Variants in TIE1 observed in about 807,000 individuals in gnomAD.
TIE1 encodes the protein tyrosine kinase with immunoglobulin like and EGF like domains 1.
A neutral mutation model predicts 130.5 loss-of-function variants in TIE1; 89 were observed. That is an observed-to-expected ratio of 0.68 (90% CI 0.57 to 0.81). The LOEUF is 0.81. Among genes scored for constraint, TIE1 ranks in the 40% least tolerant of loss-of-function variants. The pLI, the probability that TIE1 is intolerant of heterozygous loss-of-function variation, is 0.00. For missense variants in TIE1, 1,392 were observed against 1,559.8 expected, an observed-to-expected ratio of 0.89 and a Z score of 1.81; for synonymous variants, 568 against 629.4, an observed-to-expected ratio of 0.90 and a Z score of 1.46.
Position 43,309,031 on chromosome 1 carries a change from A to T in TIE1, c.1088A>T (p.Asn363Ile). 6.2e-7 allele frequency: 1 copy of T among 1,614,068 alleles called. No homozygotes were observed. The highest frequency in any genetic ancestry group is 8.5e-7 in the Non-Finnish European group (1 of 1,179,972). ...ILNMASELEF[N>I]LETMPRINCA... ...AACATGGCCTCAGAACTGGAGTTCA[A>T]CTTAGAGACGATGCCCCGGATCAAC... The change falls in exon 8 of 23, where the codon AAC becomes ATC. Residue 363 changes from asparagine (N) to isoleucine (I), a missense_variant. This residue lies in a region of TIE1 where 551 missense variants were observed against 565.5 expected (regional missense o/e 0.97). Transcript: ENST00000372476. The surrounding 1 kb of genome is among the most constrained non-coding windows in gnomAD (Gnocchi z 6.3).
chr1:43,313,891 G>C lies in TIE1; in HGVS notation c.2332G>C (p.Ala778Pro). 6.2e-7 allele frequency: 1 copy of C among 1,614,080 alleles called. No homozygotes were observed. Among genetic ancestry groups the C allele is most frequent in the Non-Finnish European group, 8.5e-7 (1 of 1,179,994 alleles). Reference protein sequence around the residue: ...SVSATCLTILAALLTLVCIRR... With the variant: ...SVSATCLTILPALLTLVCIRR... ...GTCTGCCACCTGCCTCACCATCCTGGCTGCCCTTTTAACCCTGGTGTGCAT... is the reference window on the plus strand; with the variant it reads ...GTCTGCCACCTGCCTCACCATCCTGCCTGCCCTTTTAACCCTGGTGTGCAT... The change falls in exon 14 of 23, where the codon GCT becomes CCT. Residue 778 changes from alanine (A) to proline (P), a missense_variant. Around this residue, in one of 6 missense-constraint regions of TIE1, gnomAD observed 286 missense variants for 354.4 expected, o/e 0.81. Transcript: ENST00000372476. The surrounding 1 kb of genome is among the most constrained non-coding windows in gnomAD (Gnocchi z 6.2).
chr1:43,305,181 G>T lies in TIE1; in HGVS notation c.373+16G>T. ...AGCCCTGGAGGTGAGTTAGGCAGGCGGGGGGATGGCGCGGGGAAAACCAGG... is the reference window on the plus strand; with the variant it reads ...AGCCCTGGAGGTGAGTTAGGCAGGCTGGGGGATGGCGCGGGGAAAACCAGG... On this transcript the variant is annotated intron_variant, in intron 2 of 22. Transcript: ENST00000372476. The T allele has an allele frequency of 6.2e-7, 1 of 1,613,914 alleles. No homozygotes were observed. The highest frequency in any genetic ancestry group is 1.3e-5 in the African/African-American group (1 of 75,038).
In TIE1 at chr1:43,306,866, C is replaced by T; in HGVS notation, c.511C>T (p.His171Tyr). Residue 171 changes from histidine to tyrosine, a missense_variant, in exon 4 of 23, where the codon CAT becomes TAT. Transcript: ENST00000372476. This position sits in a 1 kb window ranked among gnomAD's most constrained non-coding sequence, Gnocchi z 4.9. ...NGSYFYTLDW[H>Y]EAQDGRFLLQ... ...ATCCTACTTCTACACCCTGGACTGGCATGAAGCCCAGGATGGGCGGTTCCT... is the reference window on the plus strand; with the variant it reads ...ATCCTACTTCTACACCCTGGACTGGTATGAAGCCCAGGATGGGCGGTTCCT... 1 of 1,613,508 alleles carries T rather than the reference C, an allele frequency of 6.2e-7. No individual in the cohort carries two copies. The highest frequency in any genetic ancestry group is 1.1e-5 in the South Asian group (1 of 90,976).
chr1:43,301,847 C>T (rs890299040), intron 1 of TIE1, among the ~76,000 whole-genome samples: 4 of 152,012 alleles, frequency 2.6e-5, no homozygotes, highest in African/African-American at 7.3e-5. Context: ...CCAGCCTGGG[C>T]GACAGAGCAA....
In TIE1 at chr1:43,304,923, T is replaced by G; in HGVS notation, c.131T>G (p.Val44Gly). ...CCCCAGCGCTTCTTCCTGACTTGCGTGTCTGGGGAGGCCGGGGCGGGGAGG... is the reference window on the plus strand; with the variant it reads ...CCCCAGCGCTTCTTCCTGACTTGCGGGTCTGGGGAGGCCGGGGCGGGGAGG... ...TDPQRFFLTC[V>G]SGEAGAGRGS... The change falls in exon 2 of 23, where the codon GTG (valine) becomes GGG (glycine). Residue 44 changes from valine (V) to glycine (G), a missense_variant. Around this residue, in one of 6 missense-constraint regions of TIE1, gnomAD observed 415 missense variants for 424.8 expected, o/e 0.98. Transcript: ENST00000372476. The G allele has an allele frequency of 6.9e-7, 1 of 1,441,508 alleles. No homozygotes were observed. The highest frequency in any genetic ancestry group is 9.1e-7 in the Non-Finnish European group (1 of 1,102,376). 89.3% of individuals were successfully genotyped at this position (1,441,508 alleles called of 1,614,324 possible).
At chr1:43,314,680 T>C (rs1459357244) in intron 14 of TIE1, 1 of 423,680 alleles carries the variant, frequency 2.4e-6, no homozygotes, top group Non-Finnish European at 3.2e-6. Context: ...ATACAAAAAT[T>C]AGCCAGGCGT....
At chr1:43,321,162 G>A (rs1190651831) in intron 19 of TIE1, 107 bp from the exon 20 acceptor site, 1 of 1,165,860 alleles carries the variant, frequency 8.6e-7, no homozygotes, top group African/African-American at 1.5e-5. Context: ...TTACAGAGTA[G>A]ACACATACAG....
In TIE1 at chr1:43,312,346, G is replaced by A. The variant is rs936280067; in HGVS notation, c.1672G>A (p.Gly558Ser). 5.1e-6 allele frequency: 8 copies of A among 1,566,958 alleles called. No homozygotes were observed. The Admixed American group carries it at 7.0e-5, about 14-fold the overall frequency. ...QPWLEGWHVE[G>S]TDRLRVSWSL... The stretch of plus-strand genomic sequence containing the variant: ...GTGGTTGGAGGGCTGGCATGTGGAA[G>A]GCACTGACCGGCTGCGAGTGAGCTG... The change falls in exon 12 of 23, where the codon GGC (glycine) becomes AGC (serine). Residue 558 changes from glycine (G) to serine (S), a missense_variant. Around this residue, in one of 6 missense-constraint regions of TIE1, gnomAD observed 551 missense variants for 565.5 expected, o/e 0.97. Coordinates refer to ENST00000372476, the MANE Select transcript of TIE1 (RefSeq NM_005424.5). The surrounding 1 kb of genome is among the most constrained non-coding windows in gnomAD (Gnocchi z 5.6).
chr1:43,318,359 C>A lies in TIE1; in HGVS notation c.2922+287C>A, dbSNP rs553071032. Among the ~76,000 whole-genome samples, 1 of 151,980 alleles carries A rather than the reference C, an allele frequency of 6.6e-6. No individual in the cohort carries two copies. The highest frequency in any genetic ancestry group is 2.1e-4 in the South Asian group (1 of 4,800). On this transcript the variant is annotated intron_variant, in intron 17 of 22. Coordinates refer to ENST00000372476, the MANE Select transcript of TIE1 (RefSeq NM_005424.5). This position sits in a 1 kb window ranked among gnomAD's most constrained non-coding sequence, Gnocchi z 4.4. Reference sequence around the variant, plus strand: ...AGCATCTGTGTGTGAGCTGTCACCCCACAGATGGTGCCTAATGGCAATGGG... The same window carrying A: ...AGCATCTGTGTGTGAGCTGTCACCCAACAGATGGTGCCTAATGGCAATGGG...
rs1422603033 is a variant in TIE1 at position 43,319,925 on chromosome 1, C to G, written c.3107+396C>G. The G allele has an allele frequency of 3.8e-6, 1 of 263,164 alleles. No homozygotes were observed. Among genetic ancestry groups the G allele is most frequent in the East Asian group, 9.5e-5 (1 of 10,524 alleles). The allele number at this position is 263,164 out of a possible 1,614,324, so 16.3% of individuals were successfully genotyped here. ...TTACCAGAGCATGACCCCCAAGACT[C>G]CCTCTCTGTGCCCCCTCCCCTGCAG... On this transcript the variant is annotated intron_variant, in intron 19 of 22. Transcript: ENST00000372476. The surrounding 1 kb of genome is among the most constrained non-coding windows in gnomAD (Gnocchi z 4.7).
chr1:43,314,497 CCTT>C, intron 14 of TIE1: 1 of 1,005,522 alleles, frequency 9.9e-7, no homozygotes, highest in Non-Finnish European at 1.2e-6. Flanking sequence ...CTCATCCTAA[CCTT>C]CATTCTTGCA....
At position 43,322,880 on chromosome 1, in the gene TIE1, G is replaced by A. The variant is rs1646933213; in HGVS notation, c.*158G>A. 1 of 637,790 alleles carries A rather than the reference G, an allele frequency of 1.6e-6. No homozygotes were observed. Among genetic ancestry groups the A allele is most frequent in the Non-Finnish European group, 2.7e-6 (1 of 368,312 alleles). The allele number at this position is 637,790 out of a possible 1,614,324, so 39.5% of individuals were successfully genotyped here. Reference sequence around the variant, plus strand: ...GGGATCTGGGGATGGGGTGGGCTTAGGGGAACTGGGTTCCCATGCTTTGTA... The same window carrying A: ...GGGATCTGGGGATGGGGTGGGCTTAAGGGAACTGGGTTCCCATGCTTTGTA... On this transcript the variant is annotated 3_prime_UTR_variant, in exon 23 of 23. Transcript: ENST00000372476. The surrounding 1 kb of genome is among the most constrained non-coding windows in gnomAD (Gnocchi z 4.0).
intron 1 of TIE1, among the ~76,000 whole-genome samples, chr1:43,301,350 G>A (rs1016482893): frequency 7.9e-5 from 12 of 152,182 alleles, no homozygotes; most frequent in African/African-American, 9.6e-5. Context: ...GGCCGGGTGC[G>A]GTGGTTCATA....
chr1:43,305,192 G>A (rs1049719155), intron 2 of TIE1, 27 bp downstream of exon 2: 1 of 1,613,770 alleles, frequency 6.2e-7, no homozygotes, highest in African/African-American at 1.3e-5. Flanking sequence ...GGGGGATGGC[G>A]CGGGGAAAAC....
chr1:43,318,156 G>C lies in TIE1; in HGVS notation c.2922+84G>C, dbSNP rs926685778. The C allele has an allele frequency of 1.4e-6, 2 of 1,461,478 alleles. No homozygotes were observed. The highest frequency in any genetic ancestry group is 1.8e-6 in the Non-Finnish European group (2 of 1,097,864). 90.5% of individuals were successfully genotyped at this position (1,461,478 alleles called of 1,614,324 possible). A position where few individuals can be genotyped will look rare whatever the true frequency, so the allele number is the denominator to read the frequency against. On this transcript the variant is annotated intron_variant, in intron 17 of 22. Coordinates refer to ENST00000372476, the MANE Select transcript of TIE1 (RefSeq NM_005424.5). The surrounding 1 kb of genome is among the most constrained non-coding windows in gnomAD (Gnocchi z 4.4). ...TGGAAGAAGTCAGCCGGCCCTGATT[G>C]TATCTGGGGATTGAGGTTCCTGGCC...
In TIE1 at chr1:43,313,827, C is replaced by T. The variant is rs1265668074; in HGVS notation, c.2268C>T (p.Gly756=). 1 of 1,614,014 alleles carries T rather than the reference C, an allele frequency of 6.2e-7. No homozygotes were observed. The highest frequency in any genetic ancestry group is 1.3e-5 in the African/African-American group (1 of 75,034). Reference sequence around the variant, plus strand: ...AAGAGAGCCGGGCAGCTGAAGAGGGCCTGGATCAGCAGCTGATCCTGGCGG... The same window carrying T: ...AAGAGAGCCGGGCAGCTGAAGAGGGTCTGGATCAGCAGCTGATCCTGGCGG... The part of the protein sequence containing the change: ...PVQESRAAEE[G]LDQQLILAVV... The change falls in exon 14 of 23, where the codon GGC becomes GGT. Residue 756 remains glycine (G), a synonymous_variant. Coordinates refer to ENST00000372476, the MANE Select transcript of TIE1 (RefSeq NM_005424.5). The surrounding 1 kb of genome is among the most constrained non-coding windows in gnomAD (Gnocchi z 6.2).
chr1:43,308,087 G>A (rs1646749333), intron 7 of TIE1, among the ~76,000 whole-genome samples, 163 bp downstream of exon 7: 1 of 152,214 alleles, frequency 6.6e-6, no homozygotes, highest in South Asian at 2.1e-4. Context: ...CAGGGAGTCA[G>A]TCTGGTAGGG....
rs1031188616 is a variant in TIE1 at position 43,316,939 on chromosome 1, C to A, written c.2410-260C>A. 6.6e-6 allele frequency among the ~76,000 whole-genome samples: 1 copy of A among 152,202 alleles called. No homozygotes were observed. The highest frequency in any genetic ancestry group is 2.4e-5 in the African/African-American group (1 of 41,448). ...CCTTCCAGAGTCCCGTACACTAGATCCCCTGGCTGCAGCCTCTGCATTTCT... is the reference window on the plus strand; with the variant it reads ...CCTTCCAGAGTCCCGTACACTAGATACCCTGGCTGCAGCCTCTGCATTTCT... On this transcript the variant is annotated intron_variant, in intron 14 of 22. Transcript: ENST00000372476. This position sits in a 1 kb window ranked among gnomAD's most constrained non-coding sequence, Gnocchi z 4.4.
chr1:43,321,565 C>T, intron 21 of TIE1, 51 bp from the exon 22 acceptor site: 1 of 1,555,562 alleles, frequency 6.4e-7, no homozygotes, highest in Non-Finnish European at 8.7e-7. Context: ...TCCCTGTGAC[C>T]CCATCACCCC....
Sources: allele counts gnomAD v4.1 joint callset (sites outside exome capture counted in the v4.1 genomes callset), GRCh38; gene constraint gnomAD v4.1.1; regional missense constraint gnomAD v4.1.1; non-coding constraint Gnocchi (gnomAD v3.1); transcripts MANE v1.5; gene names NCBI Gene and HGNC (gene_info 2026-07-23, HGNC 2026-07-21).